The following MARK1 variants were observed in gnomAD, a reference collection of about 807,000 sequenced individuals.
MARK1 encodes serine/threonine-protein kinase MARK1.
Under a neutral mutation model 96.3 loss-of-function variants are expected in MARK1, and 40 were observed. That is an observed-to-expected ratio of 0.42 (90% confidence interval 0.32 to 0.54). The LOEUF (loss-of-function observed/expected upper bound fraction) is 0.54. Among genes scored for constraint, MARK1 ranks in the 20% least tolerant of loss-of-function variants. The pLI is 0.16. For missense variants in MARK1, 719 were observed against 984.6 expected (o/e 0.73, Z 3.61); for synonymous variants, 317 against 341.2 (o/e 0.93, Z 0.78).
At chr1:220,571,833 T>G (rs1286865694) in intron 1 of MARK1, 1 of 152,214 alleles carries the variant, frequency 6.6e-6, no homozygotes, top group East Asian at 1.9e-4. Context: ...TTTTACCTGC[T>G]CTGTTTCTGA....
chr1:220,534,503 C>T (rs927779825), intron 1 of MARK1, among the ~76,000 whole-genome samples: 2 of 152,034 alleles, frequency 1.3e-5, no homozygotes, highest in East Asian at 3.8e-4. Flanking sequence ...CATGAGATCG[C>T]TTTTTTAACT....
chr1:220,603,435 A>T (rs1665874968), intron 5 of MARK1, among the ~76,000 whole-genome samples: 1 of 152,056 alleles, frequency 6.6e-6, no homozygotes, highest in Non-Finnish European at 1.5e-5. Flanking sequence ...AAGTACAGAT[A>T]TTATGATGAT....
chr1:220,633,358 A>T (rs1344430686), intron 11 of MARK1, among the ~76,000 whole-genome samples: 1 of 151,582 alleles, frequency 6.6e-6, no homozygotes. Flanking sequence ...TTAACAATTT[A>T]TTGGAAGTTA....
chr1:220,581,938 A>G (rs1350382233), intron 3 of MARK1, among the ~76,000 whole-genome samples: 1 of 152,194 alleles, frequency 6.6e-6, no homozygotes, highest in Admixed American at 6.6e-5. Context: ...GAGTGAGAGA[A>G]TATACATTGT....
At chr1:220,624,375 G>A (rs550044843) in intron 9 of MARK1, among the ~76,000 whole-genome samples, 14 of 151,116 alleles carry the variant, frequency 9.3e-5, no homozygotes, top group East Asian at 5.9e-4. Context: ...CGAGGTGGGC[G>A]GATCACCTGA....
At chr1:220,545,488 G>T (rs566712823) in intron 1 of MARK1, among the ~76,000 whole-genome samples, 1 of 129,118 alleles carries the variant, frequency 7.7e-6, no homozygotes, top group South Asian at 2.6e-4. Context: ...TCAGGCTAGA[G>T]TGCAGTAGCG....
At chr1:220,640,210 G>T (rs953922634) in intron 13 of MARK1, among the ~76,000 whole-genome samples, 1 of 152,164 alleles carries the variant, frequency 6.6e-6, no homozygotes, top group Non-Finnish European at 1.5e-5. Context: ...CATTCAAATG[G>T]CATGAAATGG....
intron 1 of MARK1, among the ~76,000 whole-genome samples, chr1:220,554,510 A>G (rs918439988): frequency 1.3e-5 from 2 of 152,202 alleles, no homozygotes; most frequent in African/African-American, 4.8e-5. Context: ...TGTGGCCCCA[A>G]ATGTCTGTAG....
rs781137813 is a variant in MARK1 at position 220,579,571 on chromosome 1, A to G, written c.255+14A>G. Reference sequence around the variant, plus strand: ...ACTGGTAGAGAGGTAAGTTTGCACAATGCCTTTTAATATCTGCCTGGACCT... The same window carrying G: ...ACTGGTAGAGAGGTAAGTTTGCACAGTGCCTTTTAATATCTGCCTGGACCT... On this transcript the variant is annotated intron_variant, in intron 2 of 17. Transcript: ENST00000366917. The G allele has an allele frequency of 1.2e-6, 2 of 1,608,396 alleles. No homozygotes were observed. The highest frequency in any genetic ancestry group is 1.7e-6 in the Non-Finnish European group (2 of 1,175,096).
chr1:220,584,461 T>C (rs1664458135), intron 3 of MARK1, among the ~76,000 whole-genome samples: 1 of 152,220 alleles, frequency 6.6e-6, no homozygotes, highest in African/African-American at 2.4e-5. Flanking sequence ...AATTATTGAA[T>C]TCTGAAAATT....
intron 2 of MARK1, among the ~76,000 whole-genome samples, chr1:220,580,556 A>T (rs1398860763): frequency 1.3e-5 from 2 of 152,146 alleles, no homozygotes; most frequent in African/African-American, 4.8e-5. Context: ...GTCGTTTCCC[A>T]TTGAATTTGG....
chr1:220,532,054 G>T (rs1191077236), intron 1 of MARK1, among the ~76,000 whole-genome samples: 1 of 151,968 alleles, frequency 6.6e-6, no homozygotes. Flanking sequence ...AATTATTAAT[G>T]GGTCAAAAAT....
intron 16 of MARK1, 63 bp downstream of exon 16, chr1:220,653,415 T>C: frequency 6.7e-7 from 1 of 1,492,212 alleles, no homozygotes; most frequent in East Asian, 2.4e-5. Flanking sequence ...ACTAGACTTT[T>C]TAAAAAAATC....
At chr1:220,635,727 T>G (rs1667923422) in intron 12 of MARK1, 106 bp from the exon 13 acceptor site, 7 of 1,182,726 alleles carry the variant, frequency 5.9e-6, no homozygotes, top group South Asian at 4.9e-5. Flanking sequence ...CGTTCAGAGT[T>G]TAAAGCATGC....
chr1:220,603,664 A>G (rs1395830513), intron 5 of MARK1, among the ~76,000 whole-genome samples: 2 of 152,068 alleles, frequency 1.3e-5, no homozygotes, highest in Non-Finnish European at 1.5e-5. Context: ...GAGCAATCCA[A>G]CAAAACACAC....
rs2103081456 is a variant in MARK1, at chr1:220,662,233, GGT to G, written c.*68_*69del. The G allele has an allele frequency of 8.3e-7, 1 of 1,206,510 alleles. No individual in the cohort carries two copies. The highest frequency in any genetic ancestry group is 2.5e-5 in the East Asian group (1 of 40,804). The allele number at this position is 1,206,510 out of a possible 1,614,324, so 74.7% of individuals were successfully genotyped here. ...ATGAGGTACAGTTTTTGAATGTACTGGTAATGCCTAATGTGGTCTGCCTGTGA... is the reference window on the plus strand; with the variant it reads ...ATGAGGTACAGTTTTTGAATGTACTGAATGCCTAATGTGGTCTGCCTGTGA... On this transcript the variant is annotated 3_prime_UTR_variant, in exon 18 of 18. Transcript: ENST00000366917.
At chr1:220,541,423 C>T (rs141356543) in intron 1 of MARK1, among the ~76,000 whole-genome samples, 178 of 152,170 alleles carry the variant, frequency 1.2e-3, no homozygotes, top group African/African-American at 4.1e-3. Flanking sequence ...TCTACGTGTC[C>T]GTTAGGTCAA....
intron 6 of MARK1, among the ~76,000 whole-genome samples, chr1:220,614,011 T>C (rs548206938): frequency 6.6e-6 from 1 of 152,158 alleles, no homozygotes; most frequent in Admixed American, 6.5e-5. Flanking sequence ...GTTTGTTTGT[T>C]TGTTTGTTGT....
At chr1:220,539,205 T>C (rs1363409025) in intron 1 of MARK1, among the ~76,000 whole-genome samples, 2 of 151,914 alleles carry the variant, frequency 1.3e-5, no homozygotes, top group African/African-American at 2.4e-5. Context: ...GGCTGTGGGT[T>C]TGTCATAGAT....
Sources: gnomAD v4.1 joint callset for allele counts (sites outside exome capture counted in the v4.1 genomes callset) on GRCh38, gnomAD v4.1.1 for gene constraint, MANE v1.5 for transcripts, NCBI Gene and HGNC (gene_info 2026-07-23, HGNC 2026-07-21) for gene names.